The following PLVAP variants were observed in gnomAD, a reference collection of about 807,000 sequenced individuals.
The protein encoded by PLVAP is plasmalemma vesicle-associated protein.
PLVAP carries 34 observed loss-of-function variants against 43.1 expected under a neutral mutation model. That is an observed-to-expected ratio of 0.79 (90% confidence interval 0.60 to 1.05). The LOEUF is 1.05. Ranked by LOEUF, PLVAP falls within the 50% of genes least tolerant of loss-of-function variation. PLVAP has a pLI of 0.00. For missense variants in PLVAP, 574 were observed against 593.4 expected (o/e 0.97, Z 0.34); for synonymous variants, 241 against 237.3 (o/e 1.02, Z -0.14).
chr19:17,358,141 TG>T (rs2074513515), intron 5 of PLVAP, among the ~76,000 whole-genome samples: 1 of 152,122 alleles, frequency 6.6e-6, no homozygotes, highest in Non-Finnish European at 1.5e-5. Flanking sequence ...CTCACCTTTT[TG>T]TTTCCCTCCC....
chr19:17,352,266 C>A lies in PLVAP; in HGVS notation c.*96G>T, dbSNP rs1006658970. ...GGTGGCCCTGGGTGGTTGGGGGCGG[C>A]GGGAGGGGGTTGTGTCGGGCGCTGT... On this transcript the variant is annotated 3_prime_UTR_variant, in exon 6 of 6. Coordinates refer to ENST00000252590, the MANE Select transcript of PLVAP (RefSeq NM_031310.3). 5 of 1,032,942 alleles carry A rather than the reference C, an allele frequency of 4.8e-6. No homozygotes were observed. The East Asian group carries it at 2.9e-4, about 61-fold the overall frequency. The allele number at this position is 1,032,942 out of a possible 1,614,324, so 64.0% of individuals were successfully genotyped here. A position where few individuals can be genotyped will look rare whatever the true frequency, so the allele number is the denominator to read the frequency against.
intron 3 of PLVAP, among the ~76,000 whole-genome samples, chr19:17,362,996 C>T (rs1234745767): frequency 6.6e-6 from 1 of 152,180 alleles, no homozygotes; most frequent in African/African-American, 2.4e-5. Context: ...ACCCTAACCC[C>T]AATCCTCATC....
In PLVAP at chr19:17,377,103, G is replaced by A. The variant is rs1247906357; in HGVS notation, c.186C>T (p.Ala62=). The stretch of plus-strand genomic sequence containing the variant: ...ATAGGCCCTCGGCTCGGCGCTCGGT[G>A]GCCTGCAGGTTGGACTCTGTGCTCA... ...VHVSTESNLQ[A]TERRAEGLYS... The change falls in exon 1 of 6, where the codon GCC becomes GCT. Residue 62 remains alanine (A), a synonymous_variant. Transcript: ENST00000252590. 2 of 1,614,158 alleles carry A rather than the reference G, an allele frequency of 1.2e-6. No homozygotes were observed. The highest frequency in any genetic ancestry group is 1.7e-5 in the Admixed American group (1 of 60,022).
At chr19:17,371,961 G>A (rs2074573775) in intron 1 of PLVAP, among the ~76,000 whole-genome samples, 1 of 151,774 alleles carries the variant, frequency 6.6e-6, no homozygotes, top group Admixed American at 6.6e-5. Flanking sequence ...AATGTCCTGG[G>A]GGGACATGGG....
At chr19:17,373,171 G>A (rs2074581164) in intron 1 of PLVAP, among the ~76,000 whole-genome samples, 1 of 150,990 alleles carries the variant, frequency 6.6e-6, no homozygotes, top group Admixed American at 6.7e-5. Context: ...TAAGGGGCAG[G>A]CAGGACCCTA....
intron 1 of PLVAP, among the ~76,000 whole-genome samples, chr19:17,369,740 C>T (rs1004835868): frequency 6.6e-6 from 1 of 151,154 alleles, no homozygotes; most frequent in Non-Finnish European, 1.5e-5. Context: ...GTGGCTCACA[C>T]CTATAATCCC....
At chr19:17,369,843 A>G (rs531484445) in intron 1 of PLVAP, among the ~76,000 whole-genome samples, 4 of 151,262 alleles carry the variant, frequency 2.6e-5, no homozygotes, top group South Asian at 4.2e-4. Flanking sequence ...TCTACTAAAA[A>G]TACAAAAAAA....
At chr19:17,356,865 A>T (rs1161330143) in intron 5 of PLVAP, among the ~76,000 whole-genome samples, 1 of 152,092 alleles carries the variant, frequency 6.6e-6, no homozygotes, top group African/African-American at 2.4e-5. Flanking sequence ...AGGCTGAGGC[A>T]GGAGAATCAC....
At position 17,365,894 on chromosome 19, in the gene PLVAP, G is replaced by T. The variant is rs776368180; in HGVS notation, c.571C>A (p.Arg191Ser). The change falls in exon 3 of 6, where the codon CGC becomes AGC. Residue 191 changes from arginine to serine, a missense_variant. Arg to Ser is a moderately radical substitution (Grantham distance 110). Transcript: ENST00000252590. The stretch of plus-strand genomic sequence containing the variant: ...TCAACCAGCTGTTCCTCCGCCACGC[G>T]TTTGTTCAGCAGCACGCTTTCCTTA... Reference protein sequence around the residue: ...KDKESVLLNKRVAEEQLVECV... With the variant: ...KDKESVLLNKSVAEEQLVECV... The T allele has an allele frequency of 6.2e-7, 1 of 1,613,920 alleles. No individual in the cohort carries two copies. Among genetic ancestry groups the T allele is most frequent in the Admixed American group, 1.7e-5 (1 of 60,000 alleles).
chr19:17,352,660 C>T (rs1205199870), intron 5 of PLVAP, among the ~76,000 whole-genome samples: 2 of 152,146 alleles, frequency 1.3e-5, no homozygotes, highest in Non-Finnish European at 2.9e-5. Context: ...AGTGGCCACA[C>T]TTCACGAGCC....
At position 17,358,298 on chromosome 19, in the gene PLVAP, T is replaced by C. The variant is rs1017238218; in HGVS notation, c.1322+2230A>G. On this transcript the variant is annotated intron_variant, in intron 5 of 5. Coordinates refer to ENST00000252590, the MANE Select transcript of PLVAP (RefSeq NM_031310.3). ...AAAAAAAAAGAAGAAGAGGTGGAAATGGAGCTGGACATGATGCATCCTGGG... is the reference window on the plus strand; with the variant it reads ...AAAAAAAAAGAAGAAGAGGTGGAAACGGAGCTGGACATGATGCATCCTGGG... Among the ~76,000 whole-genome samples, 12 of 143,196 alleles carry C rather than the reference T, an allele frequency of 8.4e-5. 1 individual carries two copies. Among genetic ancestry groups the C allele is most frequent in the Admixed American group, 7.6e-4 (11 of 14,552 alleles). 93.9% of individuals were successfully genotyped at this position (143,196 alleles called of 152,430 possible).
chr19:17,373,692 A>G (rs1286292180), intron 1 of PLVAP, among the ~76,000 whole-genome samples: 1 of 151,998 alleles, frequency 6.6e-6, no homozygotes, highest in African/African-American at 2.4e-5. Context: ...GTCTGAGAAC[A>G]CGGGGATAAT....
At chr19:17,357,982 G>A (rs2074513043) in intron 5 of PLVAP, among the ~76,000 whole-genome samples, 1 of 152,224 alleles carries the variant, frequency 6.6e-6, no homozygotes, top group Non-Finnish European at 1.5e-5. Context: ...ATTCTCCACT[G>A]TGTGACCCCA....
intron 1 of PLVAP, among the ~76,000 whole-genome samples, chr19:17,371,353 G>T (rs2074571424): frequency 1.3e-5 from 2 of 151,634 alleles, no homozygotes; most frequent in African/African-American, 2.4e-5. Context: ...TAGAGACGGG[G>T]TTGCACCATG....
intron 1 of PLVAP, among the ~76,000 whole-genome samples, chr19:17,370,502 C>T (rs2074567996): frequency 6.6e-6 from 1 of 152,014 alleles, no homozygotes; most frequent in Admixed American, 6.6e-5. Flanking sequence ...GTGTGTGAAC[C>T]CCAAAAACAT....
chr19:17,358,257 A>T (rs897236914), intron 5 of PLVAP, among the ~76,000 whole-genome samples: 9 of 140,408 alleles, frequency 6.4e-5, no homozygotes, highest in Non-Finnish European at 1.2e-4. Flanking sequence ...TGGAGAGGGT[A>T]TGCAAGAAGG....
At chr19:17,359,387 T>C (rs1056379591) in intron 5 of PLVAP, among the ~76,000 whole-genome samples, 3 of 151,630 alleles carry the variant, frequency 2.0e-5, no homozygotes, top group African/African-American at 7.3e-5. Context: ...GTGCTGGGAT[T>C]ACAGGCGTGA....
intron 5 of PLVAP, among the ~76,000 whole-genome samples, chr19:17,356,354 C>T (rs1255097539): frequency 6.6e-6 from 1 of 152,092 alleles, no homozygotes; most frequent in African/African-American, 2.4e-5. Flanking sequence ...AGACCTCACG[C>T]CGAAGCCCAG....
intron 4 of PLVAP, 49 bp from the exon 5 acceptor site, chr19:17,360,658 G>T (rs563440012): frequency 2.5e-6 from 4 of 1,587,742 alleles, no homozygotes; most frequent in East Asian, 2.2e-5. Context: ...AGTTGCCCCT[G>T]CCCCTGGGCT....
Sources: allele counts gnomAD v4.1 joint callset (sites outside exome capture counted in the v4.1 genomes callset), GRCh38; gene constraint gnomAD v4.1.1; transcripts MANE v1.5; gene names NCBI Gene and HGNC (gene_info 2026-07-23, HGNC 2026-07-21).